VSNL1: variants seen among roughly 807,000 people sequenced by gnomAD.
The protein encoded by VSNL1 is visinin like 1, also known as visinin-like protein 1.
In VSNL1, 6 loss-of-function variants were observed where a neutral mutation model predicts 20.4. That is an observed-to-expected ratio of 0.29 (90% CI 0.16 to 0.58). VSNL1 has a LOEUF of 0.58. Ranked by LOEUF, VSNL1 falls within the 20% of genes least tolerant of loss-of-function variation. The probability of loss-of-function intolerance (pLI) is 0.90; values close to 1 mark genes in which losing one functional copy is unlikely to be tolerated. For synonymous variants in VSNL1, 93 were observed against 86.4 expected, an observed-to-expected ratio of 1.08 and a Z score of -0.42; for missense variants, 100 against 234.5, an observed-to-expected ratio of 0.43 and a Z score of 3.75.
chr2:17,656,277 T>C lies in VSNL1; in HGVS notation c.*883T>C, dbSNP rs567637646. The stretch of plus-strand genomic sequence containing the variant: ...ACTCTTAAATATACAACTTTGGAAT[T>C]TGAAGAATTAATGACAACAAAAGGG... On this transcript the variant is annotated 3_prime_UTR_variant, in exon 4 of 4. Coordinates refer to ENST00000295156, the MANE Select transcript of VSNL1 (RefSeq NM_003385.5). The C allele has an allele frequency of 3.4e-4, 52 of 152,266 alleles. No individual in the cohort carries two copies. The highest frequency in any genetic ancestry group is 8.5e-4 in the Admixed American group (13 of 15,294). 9.4% of individuals were successfully genotyped at this position (152,266 alleles called of 1,614,324 possible). A position where few individuals can be genotyped will look rare whatever the true frequency, so the allele number is the denominator to read the frequency against.
chr2:17,565,175 A>C (rs1226236405), intron 1 of VSNL1, among the ~76,000 whole-genome samples: 1 of 152,182 alleles, frequency 6.6e-6, no homozygotes, highest in Non-Finnish European at 1.5e-5. Flanking sequence ...CAACATTGTA[A>C]AGTACCTAGG....
At chr2:17,585,093 G>T (rs1664438327) in intron 1 of VSNL1, among the ~76,000 whole-genome samples, 1 of 152,148 alleles carries the variant, frequency 6.6e-6, no homozygotes, top group African/African-American at 2.4e-5. Context: ...AGTCCCCAGG[G>T]ATTCAGTCTG....
intron 2 of VSNL1, among the ~76,000 whole-genome samples, chr2:17,602,317 T>C (rs564191074): frequency 6.6e-6 from 1 of 152,378 alleles, no homozygotes; most frequent in East Asian, 1.9e-4. Flanking sequence ...ACTACTGTGA[T>C]ATTTCTGTGA....
intron 2 of VSNL1, among the ~76,000 whole-genome samples, chr2:17,620,348 C>A (rs1461975575): frequency 6.6e-6 from 1 of 152,176 alleles, no homozygotes; most frequent in African/African-American, 2.4e-5. Context: ...GTGGTTCATT[C>A]TGGAAGCAGT....
rs911886385 is a variant in VSNL1, at chr2:17,568,483, G to T, written c.-5-23587G>T. On this transcript the variant is annotated intron_variant, in intron 1 of 3. Transcript: ENST00000295156. Reference sequence around the variant, plus strand: ...GACGGGGTTTTGCTATGTTGCCTAGGCTACTTAACAAATTTTAAGGTCAGT... The same window carrying T: ...GACGGGGTTTTGCTATGTTGCCTAGTCTACTTAACAAATTTTAAGGTCAGT... Among the ~76,000 whole-genome samples, 4 of 152,094 alleles carry T rather than the reference G, an allele frequency of 2.6e-5. No homozygotes were observed. In the East Asian group the frequency reaches 7.7e-4, roughly 29 times the overall value.
chr2:17,638,182 CACTA>C (rs555286145), intron 2 of VSNL1, among the ~76,000 whole-genome samples: 69 of 152,250 alleles, frequency 4.5e-4, no homozygotes, highest in African/African-American at 1.6e-3. Flanking sequence ...CAAATTCTGC[CACTA>C]ACTAAGTATG....
intron 2 of VSNL1, among the ~76,000 whole-genome samples, chr2:17,600,435 G>T (rs1284536654): frequency 6.6e-6 from 1 of 152,186 alleles, no homozygotes; most frequent in Non-Finnish European, 1.5e-5. Flanking sequence ...AAATAGTCCA[G>T]TTTATTGGGC....
At chr2:17,608,659 A>G (rs2103391120) in intron 2 of VSNL1, among the ~76,000 whole-genome samples, 1 of 152,324 alleles carries the variant, frequency 6.6e-6, no homozygotes, top group South Asian at 2.1e-4. Flanking sequence ...CACCTATCTC[A>G]ATACAAAAGT....
chr2:17,653,615 A>T (rs747080454), intron 3 of VSNL1, among the ~76,000 whole-genome samples: 7 of 152,324 alleles, frequency 4.6e-5, no homozygotes, highest in Middle Eastern at 6.8e-3. Context: ...CATCAATACC[A>T]TCTAGCTACA....
At chr2:17,588,726 A>G (rs545024905) in intron 1 of VSNL1, among the ~76,000 whole-genome samples, 1 of 152,336 alleles carries the variant, frequency 6.6e-6, no homozygotes, top group East Asian at 1.9e-4. Context: ...GATGAAGACA[A>G]TCTCCAGGAG....
intron 2 of VSNL1, among the ~76,000 whole-genome samples, chr2:17,624,145 A>G (rs1665449868): frequency 6.6e-6 from 1 of 152,226 alleles, no homozygotes; most frequent in Admixed American, 6.5e-5. Flanking sequence ...CACAGAGCAC[A>G]GTCTCCTACA....
rs1232685536 is a variant in VSNL1, at chr2:17,640,724, G to C, written c.163-8686G>C. 5.3e-5 allele frequency among the ~76,000 whole-genome samples: 8 copies of C among 151,854 alleles called. 1 individual carries two copies. The highest frequency in any genetic ancestry group is 1.2e-4 in the Non-Finnish European group (8 of 68,006). On this transcript the variant is annotated intron_variant, in intron 2 of 3. Coordinates refer to ENST00000295156, the MANE Select transcript of VSNL1 (RefSeq NM_003385.5). ...TTATTTTTATTGACACATAACAATTGTACGTATTTGTGGGATACAGATGAT... is the reference window on the plus strand; with the variant it reads ...TTATTTTTATTGACACATAACAATTCTACGTATTTGTGGGATACAGATGAT...
intron 1 of VSNL1, among the ~76,000 whole-genome samples, chr2:17,561,875 T>G (rs1412033036): frequency 6.6e-6 from 1 of 152,228 alleles, no homozygotes; most frequent in Non-Finnish European, 1.5e-5. Flanking sequence ...CTATTCTTTT[T>G]TTTGGTGACT....
At position 17,649,391 on chromosome 2, in the gene VSNL1, C is replaced by A; in HGVS notation, c.163-19C>A. ...TCCATCCCCTCCCGACACCTGACTGCGCGTGTTCTCCTTTGCAGTTCTTTC... is the reference window on the plus strand; with the variant it reads ...TCCATCCCCTCCCGACACCTGACTGAGCGTGTTCTCCTTTGCAGTTCTTTC... On this transcript the variant is annotated intron_variant, in intron 2 of 3. Transcript: ENST00000295156. This position sits in a 1 kb window ranked among gnomAD's most constrained non-coding sequence, Gnocchi z 6.4. 2.5e-6 allele frequency: 4 copies of A among 1,612,982 alleles called. No homozygotes were observed. Among genetic ancestry groups the A allele is most frequent in the Non-Finnish European group, 3.4e-6 (4 of 1,178,982 alleles).
chr2:17,636,366 A>C (rs1665746776), intron 2 of VSNL1, among the ~76,000 whole-genome samples: 1 of 152,152 alleles, frequency 6.6e-6, no homozygotes, highest in African/African-American at 2.4e-5. Context: ...TTTCCAGGAT[A>C]ACACACAAAC....
At chr2:17,652,426 A>G (rs1666141345) in intron 3 of VSNL1, among the ~76,000 whole-genome samples, 1 of 152,260 alleles carries the variant, frequency 6.6e-6, no homozygotes, top group Admixed American at 6.5e-5. Context: ...AAAAGTAATC[A>G]CTGACAATTG....
chr2:17,600,094 G>C (rs1247010965), intron 2 of VSNL1, among the ~76,000 whole-genome samples: 1 of 152,194 alleles, frequency 6.6e-6, no homozygotes, highest in East Asian at 1.9e-4. Context: ...AGGACATTCT[G>C]TTCTGCAACC....
intron 1 of VSNL1, among the ~76,000 whole-genome samples, chr2:17,562,862 T>C (rs978610330): frequency 3.9e-5 from 6 of 152,184 alleles, no homozygotes; most frequent in African/African-American, 1.4e-4. Context: ...CTGTCTTCCA[T>C]TCCAAATCCA....
At chr2:17,628,104 T>G (rs1665551859) in intron 2 of VSNL1, among the ~76,000 whole-genome samples, 1 of 152,208 alleles carries the variant, frequency 6.6e-6, no homozygotes, top group South Asian at 2.1e-4. Context: ...CACAATAGTG[T>G]AAGTATCTTA....
Sources: allele counts gnomAD v4.1 joint callset (sites outside exome capture counted in the v4.1 genomes callset), GRCh38; gene constraint gnomAD v4.1.1; non-coding constraint Gnocchi (gnomAD v3.1); transcripts MANE v1.5; gene names NCBI Gene and HGNC (gene_info 2026-07-23, HGNC 2026-07-21).